The following DDX60L variants were observed in gnomAD, a reference collection of about 807,000 sequenced individuals.
The protein encoded by DDX60L is DExD/H-box 60 like, also known as probable ATP-dependent RNA helicase DDX60-like.
In DDX60L, 191 loss-of-function variants were observed where a neutral mutation model predicts 211.6. The observed-to-expected ratio is 0.90, with a 90% confidence interval of 0.80 to 1.02. The LOEUF (loss-of-function observed/expected upper bound fraction) is 1.02. Ranked by LOEUF, DDX60L falls within the 50% of genes least tolerant of loss-of-function variation. The pLI is 0.00. For synonymous variants in DDX60L, 706 were observed against 694.1 expected, an observed-to-expected ratio of 1.02 and a Z score of -0.27; for missense variants, 2,007 against 1,984.1, an observed-to-expected ratio of 1.01 and a Z score of -0.22.
chr4:168,408,249 C>T (rs1446896146), intron 22 of DDX60L, among the ~76,000 whole-genome samples: 2 of 152,162 alleles, frequency 1.3e-5, no homozygotes, highest in African/African-American at 4.8e-5. Context: ...CTTGGTTTCC[C>T]GTCTCTAAAA....
chr4:168,417,158 G>C (rs912412072), intron 19 of DDX60L, among the ~76,000 whole-genome samples: 1 of 152,016 alleles, frequency 6.6e-6, no homozygotes, highest in South Asian at 2.1e-4. Context: ...AGCCCTAATG[G>C]TATTATTAAA....
At chr4:168,423,824 G>T in intron 14 of DDX60L, 50 bp from the exon 15 acceptor site, 1 of 1,220,194 alleles carries the variant, frequency 8.2e-7, no homozygotes, top group Non-Finnish European at 1.1e-6. Context: ...AAAATAACTG[G>T]TTGATCACTT....
intron 6 of DDX60L, among the ~76,000 whole-genome samples, chr4:168,456,813 TG>T (rs1157811228): frequency 1.3e-5 from 2 of 152,180 alleles, no homozygotes; most frequent in Non-Finnish European, 2.9e-5. Flanking sequence ...GTAATTTAAG[TG>T]TCTAGCATTA....
intron 19 of DDX60L, 68 bp downstream of exon 19, chr4:168,419,234 C>G: frequency 1.8e-6 from 2 of 1,120,262 alleles, no homozygotes; most frequent in Non-Finnish European, 2.5e-6. Context: ...GCCCTATATT[C>G]TTTAAATTAC....
At position 168,461,950 on chromosome 4, in the gene DDX60L, C is replaced by A. The variant is rs778276936; in HGVS notation, c.355G>T (p.Val119Leu). The change falls in exon 5 of 38, where the codon GTG (valine) becomes TTG (leucine). Residue 119 changes from valine (V) to leucine (L), a missense_variant. Val to Leu is a conservative substitution (Grantham distance 32). Transcript: ENST00000682922. ...AAGCATCCAGAAAACTCCGTTTGCA[C>A]ATCAATGTTAGTATTGTGTTGAAGG... Reference protein sequence around the residue: ...LHLQHNTNIDVQTEFSGCLSQ... With the variant: ...LHLQHNTNIDLQTEFSGCLSQ... The A allele has an allele frequency of 1.2e-6, 2 of 1,613,298 alleles. No homozygotes were observed. Among genetic ancestry groups the A allele is most frequent in the Admixed American group, 1.7e-5 (1 of 59,968 alleles).
intron 12 of DDX60L, among the ~76,000 whole-genome samples, chr4:168,431,782 T>C (rs1752396782): frequency 1.3e-5 from 2 of 152,180 alleles, no homozygotes; most frequent in Admixed American, 6.5e-5. Flanking sequence ...AGAAAGACAC[T>C]AAAAGAATGA....
intron 8 of DDX60L, among the ~76,000 whole-genome samples, chr4:168,452,899 A>T (rs1755994393): frequency 6.6e-6 from 1 of 152,174 alleles, no homozygotes; most frequent in South Asian, 2.1e-4. Context: ...CAAAAACAAG[A>T]TCTCATCAGA....
chr4:168,447,651 G>A (rs1195711053), intron 9 of DDX60L, among the ~76,000 whole-genome samples: 1 of 151,706 alleles, frequency 6.6e-6, no homozygotes, highest in African/African-American at 2.4e-5. Flanking sequence ...TGATAGACTG[G>A]ATTAAGAAAA....
chr4:168,453,338 T>C, intron 7 of DDX60L, 56 bp from the exon 8 acceptor site: 2 of 1,521,020 alleles, frequency 1.3e-6, no homozygotes, highest in Admixed American at 2.0e-5. Context: ...GAAATGGCAT[T>C]GAAATAGGCA....
intron 14 of DDX60L, among the ~76,000 whole-genome samples, chr4:168,424,095 G>GA (rs1161230468): frequency 2.6e-5 from 4 of 152,124 alleles, no homozygotes; most frequent in African/African-American, 9.7e-5. Flanking sequence ...CATTTCCAGA[G>GA]AAAAATAACA....
intron 8 of DDX60L, among the ~76,000 whole-genome samples, chr4:168,449,988 T>C (rs144459060): frequency 1.3e-5 from 2 of 152,244 alleles, no homozygotes; most frequent in Admixed American, 6.5e-5. Context: ...GAACTTTGTT[T>C]ACAGTTTATA....
intron 37 of DDX60L, among the ~76,000 whole-genome samples, chr4:168,360,681 G>A (rs779911426): frequency 3.9e-5 from 6 of 152,198 alleles, no homozygotes; most frequent in Non-Finnish European, 5.9e-5. Flanking sequence ...TGAGCATTGG[G>A]CAGATGAACA....
intron 24 of DDX60L, 131 bp downstream of exon 24, chr4:168,405,819 A>G: frequency 1.1e-6 from 1 of 949,268 alleles, no homozygotes; most frequent in Non-Finnish European, 1.5e-6. Context: ...ACTGGATAAC[A>G]TGTTTAAATG....
rs1019507305 is a variant in DDX60L, at chr4:168,382,290, T to C, written c.4116+2322A>G. On this transcript the variant is annotated intron_variant, in intron 30 of 37. Transcript: ENST00000682922. ...CATCCATTCTTTAAAAAGCAAACAC[T>C]TACCCACATTTAGGTAGAAAAGACT... Among the ~76,000 whole-genome samples, 20 of 152,166 alleles carry C rather than the reference T, an allele frequency of 1.3e-4. 1 individual carries two copies. Among genetic ancestry groups the C allele is most frequent in the Non-Finnish European group, 2.9e-5 (2 of 68,026 alleles).
At chr4:168,408,123 A>G (rs1321108968) in intron 22 of DDX60L, among the ~76,000 whole-genome samples, 2 of 152,134 alleles carry the variant, frequency 1.3e-5, no homozygotes, top group African/African-American at 4.8e-5. Context: ...GCCATTCTTG[A>G]CTTAAGTAAT....
intron 18 of DDX60L, 81 bp from the exon 19 acceptor site, chr4:168,419,478 T>G: frequency 1.1e-6 from 1 of 931,306 alleles, no homozygotes; most frequent in Non-Finnish European, 1.6e-6. Context: ...ACCTAGAAAA[T>G]ATGCTGCTGC....
chr4:168,383,049 T>C (rs1743237887), intron 30 of DDX60L, among the ~76,000 whole-genome samples: 1 of 152,208 alleles, frequency 6.6e-6, no homozygotes, highest in Non-Finnish European at 1.5e-5. Context: ...GTAATTGCCT[T>C]ATTAAAGTTA....
At chr4:168,479,122 TGATGGATG>T (rs35832532) in intron 1 of DDX60L, among the ~76,000 whole-genome samples, 9,882 of 141,844 alleles carry the variant, frequency 0.07, 565 homozygotes, top group African/African-American at 0.16. Flanking sequence ...GATGGCTGGA[TGATGGATG>T]GATGGATGGA....
intron 8 of DDX60L, among the ~76,000 whole-genome samples, chr4:168,449,652 C>CAAAAAAAAAAAAAAAAAAAAAAAAAAT: frequency 1.3e-4 from 1 of 7,936 alleles, no homozygotes; most frequent in African/African-American, 6.1e-4. Flanking sequence ...AAAAAAAATG[C>CAAAAAAAAAAAAAAAAAAAAAAAAAAT]AAAAAAAAAA....
Sources: gnomAD v4.1 joint callset for allele counts (sites outside exome capture counted in the v4.1 genomes callset) on GRCh38, gnomAD v4.1.1 for gene constraint, MANE v1.5 for transcripts, NCBI Gene and HGNC (gene_info 2026-07-23, HGNC 2026-07-21) for gene names.